TCF4: variants seen among roughly 807,000 people sequenced by gnomAD.
TCF4 encodes the protein SL3-3 enhancer factor 2.
A neutral mutation model predicts 82.1 loss-of-function variants in TCF4; 3 were observed. That is an observed-to-expected ratio of 0.04 (90% CI 0.02 to 0.09). The LOEUF (loss-of-function observed/expected upper bound fraction) is 0.09. TCF4 is among the 10% of genes least tolerant of loss of function. The pLI is 1.00. For synonymous variants in TCF4, 276 were observed against 309.6 expected (o/e 0.89, Z 1.14); for missense variants, 518 against 852.7 (o/e 0.61, Z 4.89).
intron 5 of TCF4, among the ~76,000 whole-genome samples, chr18:55,437,674 C>G (rs1239120558): frequency 6.6e-6 from 1 of 152,088 alleles, no homozygotes; most frequent in East Asian, 1.9e-4. Flanking sequence ...AGCCTAGATC[C>G]CAGCCCAGGC....
intron 6 of TCF4, among the ~76,000 whole-genome samples, chr18:55,376,559 C>T (rs2090798183): frequency 6.6e-6 from 1 of 152,170 alleles, no homozygotes; most frequent in African/African-American, 2.4e-5. Flanking sequence ...CCTGCTCAAA[C>T]CTAAGTATGC....
intron 3 of TCF4, among the ~76,000 whole-genome samples, chr18:55,500,313 AG>A (rs1341986686): frequency 3.3e-5 from 5 of 152,224 alleles, no homozygotes; most frequent in Non-Finnish European, 7.3e-5. Flanking sequence ...GAGTAATCTT[AG>A]CCTGCAAAGA....
intron 6 of TCF4, chr18:55,402,328 T>G (rs2093868020): frequency 3.2e-6 from 2 of 631,610 alleles, no homozygotes; most frequent in Admixed American, 1.3e-4. Context: ...TAAAGGAAAC[T>G]TTCCTCATAG....
At chr18:55,234,407 A>G in intron 16 of TCF4, 141 bp downstream of exon 16, 2 of 1,221,168 alleles carry the variant, frequency 1.6e-6, no homozygotes, top group South Asian at 1.3e-5. Context: ...ATACTTTGCC[A>G]TTTCCTTACC....
At chr18:55,601,067 C>A (rs972328603) in intron 2 of TCF4, among the ~76,000 whole-genome samples, 2 of 152,142 alleles carry the variant, frequency 1.3e-5, no homozygotes, top group East Asian at 3.9e-4. Flanking sequence ...TATATTCTTT[C>A]CAATAGACCT....
At chr18:55,402,420 T>C (rs1049486957) in intron 6 of TCF4, among the ~76,000 whole-genome samples, 4 of 151,868 alleles carry the variant, frequency 2.6e-5, no homozygotes, top group Non-Finnish European at 5.9e-5. Context: ...AAAATTAAAA[T>C]AGATTTTTTT....
chr18:55,620,800 CTT>C (rs35186442), intron 2 of TCF4, among the ~76,000 whole-genome samples: 20 of 143,706 alleles, frequency 1.4e-4, no homozygotes, highest in Non-Finnish European at 2.1e-4. Context: ...TTGTCCAGTT[CTT>C]TTTTTTTTTT....
chr18:55,422,327 G>T, intron 5 of TCF4: 1 of 985,152 alleles, frequency 1.0e-6, no homozygotes, highest in Non-Finnish European at 1.2e-6. Context: ...ACAACATGCT[G>T]GGGCTTGGCT....
chr18:55,417,304 C>G (rs1156720902), intron 5 of TCF4, among the ~76,000 whole-genome samples: 1 of 152,104 alleles, frequency 6.6e-6, no homozygotes, highest in Non-Finnish European at 1.5e-5. Context: ...AATGGAGTTT[C>G]AAAGATGAGG....
chr18:55,569,353 G>C (rs2097439498), intron 3 of TCF4, among the ~76,000 whole-genome samples: 1 of 152,004 alleles, frequency 6.6e-6, no homozygotes, highest in Non-Finnish European at 1.5e-5. Flanking sequence ...AGAGAGCTCA[G>C]CAACATGGCT....
intron 3 of TCF4, among the ~76,000 whole-genome samples, chr18:55,467,598 G>C (rs1420798013): frequency 6.6e-6 from 1 of 152,110 alleles, no homozygotes; most frequent in Non-Finnish European, 1.5e-5. Flanking sequence ...TCTTAAAATT[G>C]CTGTCTGGGT....
intron 6 of TCF4, among the ~76,000 whole-genome samples, chr18:55,385,193 A>G (rs538676351): frequency 3.9e-5 from 6 of 152,302 alleles, no homozygotes; most frequent in African/African-American, 1.2e-4. Context: ...ATCCACCTGC[A>G]GCACAGAGAC....
At chr18:55,616,832 T>A (rs1415994768) in intron 2 of TCF4, among the ~76,000 whole-genome samples, 1 of 152,220 alleles carries the variant, frequency 6.6e-6, no homozygotes, top group East Asian at 1.9e-4. Flanking sequence ...ATATACTTTT[T>A]ATATTAACCT....
At chr18:55,228,190 C>A (rs201574270) in intron 19 of TCF4, 31 bp downstream of exon 19, 52 of 1,613,522 alleles carry the variant, frequency 3.2e-5, no homozygotes, top group Non-Finnish European at 4.2e-5. Flanking sequence ...TTTGAATGAT[C>A]GATCTCAGAA....
At chr18:55,406,979 C>T (rs1246643353) in intron 5 of TCF4, among the ~76,000 whole-genome samples, 2 of 152,076 alleles carry the variant, frequency 1.3e-5, no homozygotes, top group Admixed American at 6.5e-5. Context: ...TAGCATTAAT[C>T]GCTCAAGTCT....
chr18:55,598,889 G>T (rs1461159854), intron 2 of TCF4, among the ~76,000 whole-genome samples: 1 of 152,164 alleles, frequency 6.6e-6, no homozygotes, highest in Non-Finnish European at 1.5e-5. Context: ...ATGATACCAA[G>T]ATGGCTACCA....
chr18:55,293,931 C>CTT (rs781150808), intron 8 of TCF4, among the ~76,000 whole-genome samples: 5,377 of 39,758 alleles, frequency 0.14, 1,959 homozygotes, highest in Non-Finnish European at 0.18. Context: ...TTTCCAAGGA[C>CTT]TTTTTTTTTT....
At chr18:55,609,244 T>C (rs2097704940) in intron 2 of TCF4, among the ~76,000 whole-genome samples, 1 of 152,166 alleles carries the variant, frequency 6.6e-6, no homozygotes, top group Admixed American at 6.5e-5. Flanking sequence ...GAGAAGGCTG[T>C]GCTAAGTATG....
chr18:55,495,558 T>G (rs937204397), intron 3 of TCF4: 2 of 152,154 alleles, frequency 1.3e-5, no homozygotes, highest in East Asian at 3.8e-4. Flanking sequence ...AAGAAAAATG[T>G]GAAGCTAAAA....
Sources: gnomAD v4.1 joint callset for allele counts (sites outside exome capture counted in the v4.1 genomes callset) on GRCh38, gnomAD v4.1.1 for gene constraint, MANE v1.5 for transcripts, NCBI Gene and HGNC (gene_info 2026-07-23, HGNC 2026-07-21) for gene names.